Variants in MATCAP2 observed in about 807,000 individuals in gnomAD.
MATCAP2 encodes microtubule associated tyrosine carboxypeptidase 2.
the MATCAP2 span, among the ~76,000 whole-genome samples, chr7:36,386,155 G>A: frequency 3.3e-5 from 5 of 150,772 alleles, no homozygotes; most frequent in African/African-American, 4.9e-5. Flanking sequence ...ACCCTGTCTC[G>A]GGAAAAAAAA....
the MATCAP2 span, among the ~76,000 whole-genome samples, chr7:36,373,103 T>A: frequency 1.4e-4 from 16 of 116,154 alleles, no homozygotes; most frequent in Middle Eastern, 4.4e-3. Flanking sequence ...AGACTTCATC[T>A]AAAAAAAAAA....
the MATCAP2 span, among the ~76,000 whole-genome samples, chr7:36,330,385 C>T: frequency 1.3e-5 from 2 of 152,080 alleles, no homozygotes; most frequent in Admixed American, 1.3e-4. Context: ...GGGCGTGAGC[C>T]ACCCTGCCCA....
chr7:36,379,070 C>T, the MATCAP2 span, among the ~76,000 whole-genome samples: 1 of 152,232 alleles, frequency 6.6e-6, no homozygotes, highest in African/African-American at 2.4e-5. Context: ...GAGGTGATGC[C>T]CTGCCCTGCT....
the MATCAP2 span, chr7:36,389,931 G>A: frequency 3.7e-6 from 6 of 1,610,330 alleles, no homozygotes; most frequent in Non-Finnish European, 5.1e-6. Context: ...TCAGACTCCT[G>A]GTTTTTTCCA....
the MATCAP2 span, among the ~76,000 whole-genome samples, chr7:36,329,357 A>G: frequency 6.6e-6 from 1 of 152,208 alleles, no homozygotes; most frequent in Non-Finnish European, 1.5e-5. Context: ...CAGTGCCCTT[A>G]TGATTTAACA....
At chr7:36,361,531 CCAAAA>C in the MATCAP2 span, among the ~76,000 whole-genome samples, 1 of 152,030 alleles carries the variant, frequency 6.6e-6, no homozygotes, top group African/African-American at 2.4e-5. Context: ...AAAAGAAAGG[CCAAAA>C]CAAAACAAAA....
chr7:36,377,687 G>C, the MATCAP2 span, among the ~76,000 whole-genome samples: 1 of 152,254 alleles, frequency 6.6e-6, no homozygotes, highest in East Asian at 1.9e-4. Context: ...ATAATATCCT[G>C]GGGAGTGTTT....
chr7:36,364,784 G>A, the MATCAP2 span, among the ~76,000 whole-genome samples: 1 of 152,170 alleles, frequency 6.6e-6, no homozygotes, highest in South Asian at 2.1e-4. Context: ...TGATATCGCA[G>A]TGAAATGCTG....
At chr7:36,347,817 T>C in the MATCAP2 span, among the ~76,000 whole-genome samples, 2 of 152,158 alleles carry the variant, frequency 1.3e-5, no homozygotes, top group African/African-American at 4.8e-5. Context: ...TTCATTCCTC[T>C]CCTTTTCAGA....
the MATCAP2 span, chr7:36,367,149 C>T: frequency 1.6e-6 from 2 of 1,218,944 alleles, no homozygotes; most frequent in Non-Finnish European, 2.0e-6. Context: ...CAGCCCGTAG[C>T]TACTGGAAGG....
the MATCAP2 span, among the ~76,000 whole-genome samples, chr7:36,379,118 C>T: frequency 6.6e-6 from 1 of 152,198 alleles, no homozygotes; most frequent in African/African-American, 2.4e-5. Context: ...ACTGTCCAAC[C>T]AGTACCAATG....
the MATCAP2 span, among the ~76,000 whole-genome samples, chr7:36,373,815 C>T: frequency 3.9e-5 from 6 of 152,066 alleles, no homozygotes; most frequent in South Asian, 2.1e-4. Flanking sequence ...GATGGAGTCT[C>T]GCTCTGTTGC....
chr7:36,347,081 T>G, the MATCAP2 span, among the ~76,000 whole-genome samples: 1 of 152,192 alleles, frequency 6.6e-6, no homozygotes, highest in Non-Finnish European at 1.5e-5. Context: ...TATGATTTTT[T>G]TTAGTTTAGT....
the MATCAP2 span, among the ~76,000 whole-genome samples, chr7:36,379,873 G>A: frequency 6.6e-6 from 1 of 150,754 alleles, no homozygotes; most frequent in Non-Finnish European, 1.5e-5. Flanking sequence ...GAGAGAGAGA[G>A]AGAATATAAA....
the MATCAP2 span, among the ~76,000 whole-genome samples, chr7:36,363,840 A>G: frequency 6.6e-6 from 1 of 152,210 alleles, no homozygotes; most frequent in Non-Finnish European, 1.5e-5. Flanking sequence ...ACAGTGCTGG[A>G]CTATAGGTAA....
At chr7:36,388,387 G>T in the MATCAP2 span, among the ~76,000 whole-genome samples, 1 of 151,726 alleles carries the variant, frequency 6.6e-6, no homozygotes, top group East Asian at 1.9e-4. Context: ...CTCTTGCCGT[G>T]ATTTCAGTCA....
the MATCAP2 span, among the ~76,000 whole-genome samples, chr7:36,380,057 G>A: frequency 6.6e-5 from 10 of 152,218 alleles, no homozygotes; most frequent in African/African-American, 2.4e-4. Context: ...TACTGAGGTG[G>A]ATGATGACCT....
At chr7:36,365,231 A>G in the MATCAP2 span, among the ~76,000 whole-genome samples, 2 of 152,224 alleles carry the variant, frequency 1.3e-5, no homozygotes, top group Admixed American at 6.5e-5. Context: ...TGATTTCTCA[A>G]TGAAATAATG....
At chr7:36,381,651 A>G in the MATCAP2 span, among the ~76,000 whole-genome samples, 1 of 149,752 alleles carries the variant, frequency 6.7e-6, no homozygotes, top group Non-Finnish European at 1.5e-5. Context: ...AGTCTAGGTG[A>G]CAGAGTGAGA....
Sources: gnomAD v4.1 joint callset for allele counts (sites outside exome capture counted in the v4.1 genomes callset) on GRCh38, gnomAD v4.1.1 for gene constraint, MANE v1.5 for transcripts, NCBI Gene and HGNC (gene_info 2026-07-23, HGNC 2026-07-21) for gene names.